GLRB: variants seen among roughly 807,000 people sequenced by gnomAD.
The protein encoded by GLRB is glycine receptor beta, also known as glycine receptor subunit beta.
In GLRB, 33 loss-of-function variants were observed where a neutral mutation model predicts 54.2. The ratio of observed to expected loss-of-function variants is 0.61; its 90% CI spans 0.46 to 0.81. The LOEUF (loss-of-function observed/expected upper bound fraction) is 0.81. Among genes scored for constraint, GLRB ranks in the 40% least tolerant of loss-of-function variants. GLRB has a pLI of 0.00. For synonymous variants in GLRB, 209 were observed against 208.2 expected, an observed-to-expected ratio of 1.00 and a Z score of -0.03; for missense variants, 572 against 584.6, an observed-to-expected ratio of 0.98 and a Z score of 0.22.
rs745430765 is a variant in GLRB at position 157,152,742 on chromosome 4, C to T, written c.929C>T (p.Ala310Val). 26 of 1,613,518 alleles carry T rather than the reference C, an allele frequency of 1.6e-5. No individual in the cohort carries two copies. The highest frequency in any genetic ancestry group is 4.2e-6 in the Non-Finnish European group (5 of 1,179,570). The change falls in exon 9 of 10, where the codon GCC becomes GTC. Residue 310 changes from alanine to valine, a missense_variant. Physicochemically the swap from Ala to Val is moderately conservative, Grantham distance 64. Transcript: ENST00000264428. Reference protein sequence around the residue: ...PLGIFSVLSLASECTTLAAEL... With the variant: ...PLGIFSVLSLVSECTTLAAEL... ...GGTATCTTCTCAGTCCTCAGCTTGG[C>T]CTCTGAGTGCACAACCCTTGCCGCT...
At chr4:157,140,500 C>T (rs12645024) in intron 7 of GLRB, among the ~76,000 whole-genome samples, 3 of 151,866 alleles carry the variant, frequency 2.0e-5, no homozygotes, top group Non-Finnish European at 2.9e-5. Context: ...TATAAGAACA[C>T]GTACTTAGTA....
intron 2 of GLRB, among the ~76,000 whole-genome samples, chr4:157,101,404 A>G (rs537590732): frequency 1.3e-5 from 2 of 152,094 alleles, no homozygotes; most frequent in African/African-American, 4.8e-5. Flanking sequence ...TGGCAGATAC[A>G]TAAGAACATT....
intron 8 of GLRB, among the ~76,000 whole-genome samples, chr4:157,149,465 C>G (rs951562528): frequency 6.6e-6 from 1 of 151,958 alleles, no homozygotes; most frequent in Non-Finnish European, 1.5e-5. Context: ...TTCTGTTACA[C>G]AAAATACTTT....
chr4:157,090,028 G>A (rs1279556644), intron 2 of GLRB, among the ~76,000 whole-genome samples: 2 of 152,036 alleles, frequency 1.3e-5, no homozygotes, highest in African/African-American at 4.8e-5. Flanking sequence ...TCTCTGTCAG[G>A]CCATAGTCAT....
chr4:157,081,506 G>T (rs1280181568), intron 2 of GLRB, among the ~76,000 whole-genome samples: 1 of 152,132 alleles, frequency 6.6e-6, no homozygotes, highest in Non-Finnish European at 1.5e-5. Context: ...ATTAAGAGTG[G>T]TGAACTCCTC....
At chr4:157,153,154 A>G in intron 9 of GLRB, 144 bp downstream of exon 9, 3 of 785,554 alleles carry the variant, frequency 3.8e-6, no homozygotes, top group South Asian at 1.5e-5. Context: ...ACTGAGCACA[A>G]CACAATTTTT....
intron 9 of GLRB, among the ~76,000 whole-genome samples, chr4:157,163,213 G>T (rs1188084515): frequency 1.3e-5 from 2 of 152,068 alleles, no homozygotes; most frequent in African/African-American, 4.8e-5. Flanking sequence ...GGAGTGTCCC[G>T]ATTTTCCAGG....
chr4:157,097,313 A>G (rs1252198386), intron 2 of GLRB, among the ~76,000 whole-genome samples: 1 of 152,196 alleles, frequency 6.6e-6, no homozygotes, highest in Non-Finnish European at 1.5e-5. Flanking sequence ...TTATCACACA[A>G]AGTGTTAGAT....
intron 6 of GLRB, among the ~76,000 whole-genome samples, chr4:157,137,751 T>C (rs541815921): frequency 2.0e-5 from 3 of 152,210 alleles, no homozygotes; most frequent in Admixed American, 1.3e-4. Flanking sequence ...CACATGTCTG[T>C]TTATGTTTTT....
At chr4:157,095,849 A>T (rs1251610755) in intron 2 of GLRB, among the ~76,000 whole-genome samples, 1 of 152,086 alleles carries the variant, frequency 6.6e-6, no homozygotes, top group Admixed American at 6.6e-5. Flanking sequence ...CTGAGGAGGA[A>T]AAGTCATGCT....
intron 9 of GLRB, among the ~76,000 whole-genome samples, chr4:157,163,685 C>T (rs1016408801): frequency 3.3e-5 from 5 of 152,100 alleles, no homozygotes; most frequent in African/African-American, 1.2e-4. Flanking sequence ...GGCATTTCCA[C>T]TTGCTGGCTT....
intron 2 of GLRB, among the ~76,000 whole-genome samples, chr4:157,102,391 A>G (rs1735065079): frequency 6.6e-6 from 1 of 152,100 alleles, no homozygotes; most frequent in Non-Finnish European, 1.5e-5. Flanking sequence ...CTCCGCTTCT[A>G]TAGGTTTGAC....
At chr4:157,096,965 A>G (rs1338145401) in intron 2 of GLRB, among the ~76,000 whole-genome samples, 1 of 152,160 alleles carries the variant, frequency 6.6e-6, no homozygotes, top group Non-Finnish European at 1.5e-5. Context: ...TCAGTTCTCA[A>G]TTTCTGCTCT....
intron 9 of GLRB, among the ~76,000 whole-genome samples, chr4:157,162,810 C>T (rs1737560211): frequency 6.6e-6 from 1 of 152,198 alleles, no homozygotes; most frequent in African/African-American, 2.4e-5. Context: ...GGCAGTCTGT[C>T]CATTCTCAGA....
At chr4:157,088,259 T>A (rs1734483527) in intron 2 of GLRB, among the ~76,000 whole-genome samples, 1 of 151,880 alleles carries the variant, frequency 6.6e-6, no homozygotes, top group Non-Finnish European at 1.5e-5. Context: ...CTTTATATCA[T>A]GTTTAACTCT....
At position 157,136,800 on chromosome 4, in the gene GLRB, C is replaced by T. The variant is rs1285369389; in HGVS notation, c.528-4C>T. On this transcript the variant is annotated splice_polypyrimidine_tract_variant and splice_region_variant and intron_variant, in intron 5 of 9. Transcript: ENST00000264428. Reference sequence around the variant, plus strand: ...TTATTTCTAAGACCCATTTCTGCTTCCAGGTTATCTATTACTCTTTCATGC... The same window carrying T: ...TTATTTCTAAGACCCATTTCTGCTTTCAGGTTATCTATTACTCTTTCATGC... 2 of 1,599,962 alleles carry T rather than the reference C, an allele frequency of 1.3e-6. No individual in the cohort carries two copies. Among genetic ancestry groups the T allele is most frequent in the Non-Finnish European group, 1.7e-6 (2 of 1,167,346 alleles).
chr4:157,143,688 C>G, intron 7 of GLRB, 119 bp from the exon 8 acceptor site: 1 of 977,362 alleles, frequency 1.0e-6, no homozygotes, highest in Non-Finnish European at 1.6e-6. Context: ...TTTTTTGAGG[C>G]ATTTCCTCTG....
chr4:157,152,919 A>C lies in GLRB; in HGVS notation c.1106A>C (p.Lys369Thr), dbSNP rs1438527917. 2.5e-6 allele frequency: 4 copies of C among 1,613,886 alleles called. No individual in the cohort carries two copies. The highest frequency in any genetic ancestry group is 3.4e-6 in the Non-Finnish European group (4 of 1,179,908). ...GAAGCTGAAAAAGCCAGAATTGCTAAGGCTGAGCAAGCAGATGGAAAAGGT... is the reference window on the plus strand; with the variant it reads ...GAAGCTGAAAAAGCCAGAATTGCTACGGCTGAGCAAGCAGATGGAAAAGGT... ...RVEAEKARIAKAEQADGKGGN... is the reference protein window; with the variant it reads ...RVEAEKARIATAEQADGKGGN... The change falls in exon 9 of 10, where the codon AAG becomes ACG. Residue 369 changes from lysine to threonine, a missense_variant. Transcript: ENST00000264428.
At chr4:157,095,305 C>CA (rs59570434) in intron 2 of GLRB, among the ~76,000 whole-genome samples, 21,042 of 78,362 alleles carry the variant, frequency 0.27, 2,027 homozygotes, top group Non-Finnish European at 0.34. Context: ...TGTGCCTGAG[C>CA]AAAAAAAAAA....
Sources: gnomAD v4.1 joint callset for allele counts (sites outside exome capture counted in the v4.1 genomes callset) on GRCh38, gnomAD v4.1.1 for gene constraint, MANE v1.5 for transcripts, NCBI Gene and HGNC (gene_info 2026-07-23, HGNC 2026-07-21) for gene names.